Variants in VPS13C observed in about 807,000 individuals in gnomAD.
VPS13C encodes the protein vacuolar protein sorting 13 homolog C.
VPS13C carries 358 observed loss-of-function variants against 456.8 expected under a neutral mutation model. The ratio of observed to expected loss-of-function variants is 0.78; its 90% CI spans 0.72 to 0.86. The LOEUF is 0.86. Among genes scored for constraint, VPS13C ranks in the 40% least tolerant of loss-of-function variants. The probability of loss-of-function intolerance (pLI) is 0.00; values close to 1 mark genes in which losing one functional copy is unlikely to be tolerated. For synonymous variants in VPS13C, 1,578 were observed against 1,486.7 expected (o/e 1.06, Z -1.41); for missense variants, 4,818 against 4,385.4 (o/e 1.10, Z -2.79).
chr15:61,953,021 G>C (rs1447445515), intron 38 of VPS13C, among the ~76,000 whole-genome samples: 1 of 151,898 alleles, frequency 6.6e-6, no homozygotes, highest in Non-Finnish European at 1.5e-5. Flanking sequence ...ATTGCAACCA[G>C]CCTACTTAAA....
chr15:61,870,447 C>T (rs1894936711), intron 79 of VPS13C, among the ~76,000 whole-genome samples: 3 of 152,138 alleles, frequency 2.0e-5, no homozygotes, highest in African/African-American at 7.2e-5. Flanking sequence ...CATTTTGTAA[C>T]AAGTACCAGT....
chr15:61,936,472 C>T (rs2044229423), intron 48 of VPS13C, 125 bp downstream of exon 48: 3 of 934,346 alleles, frequency 3.2e-6, no homozygotes, highest in Non-Finnish European at 4.3e-6. Flanking sequence ...CGAATTTCCA[C>T]AGTAAGTAGT....
rs946940159 is a variant in VPS13C at position 61,872,147 on chromosome 15, T to C, written c.10579-113A>G. ...GAAATAACAACAACAACAACAAAAA[T>C]TGAAGACTTAACTTGATAATGTGAA... On this transcript the variant is annotated intron_variant, in intron 78 of 84. Coordinates refer to ENST00000644861, the MANE Select transcript of VPS13C (RefSeq NM_020821.3). The C allele has an allele frequency of 5.6e-5, 45 of 800,838 alleles. No individual in the cohort carries two copies. In the Admixed American group the frequency reaches 1.2e-3, roughly 22 times the overall value. The allele number at this position is 800,838 out of a possible 1,614,324, so 49.6% of individuals were successfully genotyped here.
chr15:62,034,026 G>A (rs951690741), intron 4 of VPS13C, among the ~76,000 whole-genome samples: 1 of 150,726 alleles, frequency 6.6e-6, no homozygotes, highest in African/African-American at 2.4e-5. Flanking sequence ...GCAATCTAAG[G>A]AAATAACACA....
At chr15:61,945,473 C>A (rs1020616970) in intron 45 of VPS13C, among the ~76,000 whole-genome samples, 1 of 152,148 alleles carries the variant, frequency 6.6e-6, no homozygotes, top group Non-Finnish European at 1.5e-5. Context: ...ATAAAACATA[C>A]ATTTAAAATG....
chr15:61,913,918 C>T (rs1022908982), intron 61 of VPS13C, among the ~76,000 whole-genome samples: 10 of 151,838 alleles, frequency 6.6e-5, no homozygotes, highest in African/African-American at 1.5e-4. Flanking sequence ...GAAATACATA[C>T]GAAAAATTAT....
intron 58 of VPS13C, 62 bp downstream of exon 58, chr15:61,919,227 G>A: frequency 1.4e-6 from 2 of 1,481,106 alleles, no homozygotes; most frequent in Middle Eastern, 1.8e-4. Context: ...CCTATATTCA[G>A]CTAAATGATT....
chr15:61,925,510 C>G lies in VPS13C; in HGVS notation c.6555G>C (p.Thr2185=). Residue 2185 remains threonine (T), a synonymous_variant, in exon 53 of 85, where the codon ACG becomes ACC. Transcript: ENST00000644861. ...QPCSLFMEKC[T]WASGKQNINI... is the part of the protein sequence containing the mutation. ...TTATATTTTGCTTTCCTGAAGCCCA[C>G]GTACATTTTTCCATAAATAAAGAAC... 6.2e-7 allele frequency: 1 copy of G among 1,603,848 alleles called. No homozygotes were observed. The highest frequency in any genetic ancestry group is 8.5e-7 in the Non-Finnish European group (1 of 1,175,052).
intron 35 of VPS13C, among the ~76,000 whole-genome samples, chr15:61,959,915 T>C (rs1057457397): frequency 2.6e-5 from 4 of 152,176 alleles, no homozygotes; most frequent in African/African-American, 9.7e-5. Flanking sequence ...CAAGGATTAA[T>C]AGGTATGTTG....
At chr15:61,856,578 A>G (rs1012940119) in intron 82 of VPS13C, 169 bp from the exon 83 acceptor site, 9 of 641,796 alleles carry the variant, frequency 1.4e-5, no homozygotes, top group Middle Eastern at 7.5e-4. Flanking sequence ...TAACTGTCAA[A>G]TAAAGAGCAA....
intron 40 of VPS13C, 132 bp from the exon 41 acceptor site, chr15:61,950,549 G>C: frequency 1.2e-5 from 8 of 651,446 alleles, no homozygotes; most frequent in Non-Finnish European, 9.6e-6. Context: ...GGCAAAGAAA[G>C]CCATTCAAAA....
intron 47 of VPS13C, among the ~76,000 whole-genome samples, chr15:61,938,877 A>C (rs2044320859): frequency 6.6e-6 from 1 of 152,262 alleles, no homozygotes; most frequent in Non-Finnish European, 1.5e-5. Flanking sequence ...GATTATTTCC[A>C]TGAATACTTT....
intron 9 of VPS13C, among the ~76,000 whole-genome samples, chr15:62,015,571 A>C (rs1472731109): frequency 4.7e-5 from 7 of 147,564 alleles, no homozygotes; most frequent in African/African-American, 1.8e-4. Context: ...TGTGGCACAT[A>C]TACACCATGG....
At chr15:62,056,676 C>T (rs571269315) in intron 1 of VPS13C, among the ~76,000 whole-genome samples, 2 of 152,252 alleles carry the variant, frequency 1.3e-5, no homozygotes, top group Non-Finnish European at 2.9e-5. Flanking sequence ...GAGGCCTAAC[C>T]GTCTCCCTGT....
At chr15:61,982,625 T>C (rs761309671) in intron 20 of VPS13C, 52 bp from the exon 21 acceptor site, 5 of 1,314,316 alleles carry the variant, frequency 3.8e-6, no homozygotes, top group African/African-American at 2.9e-5. Context: ...TCTTTCCATA[T>C]TGTAAACTTC....
In VPS13C at chr15:61,958,726, A is replaced by C; in HGVS notation, c.4057-10T>G. 7.3e-7 allele frequency: 1 copy of C among 1,362,678 alleles called. No individual in the cohort carries two copies. The highest frequency in any genetic ancestry group is 1.0e-6 in the Non-Finnish European group (1 of 1,003,260). 84.4% of individuals were successfully genotyped at this position (1,362,678 alleles called of 1,614,324 possible). On this transcript the variant is annotated splice_polypyrimidine_tract_variant and intron_variant, in intron 36 of 84. Coordinates refer to ENST00000644861, the MANE Select transcript of VPS13C (RefSeq NM_020821.3). ...CTTGATTTAGACTAACCTGTAAAAT[A>C]TTATGTTAAAAAAAAAACTATATTA... is the stretch of plus-strand genomic sequence containing the variant.
chr15:61,907,673 A>C (rs2043189529), intron 65 of VPS13C, among the ~76,000 whole-genome samples: 1 of 152,244 alleles, frequency 6.6e-6, no homozygotes, highest in African/African-American at 2.4e-5. Context: ...TTGCCAGATC[A>C]GGGTCCACCT....
At chr15:62,042,878 C>A (rs986833373) in intron 2 of VPS13C, among the ~76,000 whole-genome samples, 1 of 151,284 alleles carries the variant, frequency 6.6e-6, no homozygotes, top group Admixed American at 6.6e-5. Flanking sequence ...AACAAACCTG[C>A]ACATTGGGCA....
chr15:62,046,338 A>G (rs2048401417), intron 1 of VPS13C, among the ~76,000 whole-genome samples: 1 of 152,208 alleles, frequency 6.6e-6, no homozygotes, highest in Admixed American at 6.5e-5. Context: ...CAGGAGTAAT[A>G]AAGTAGTCAT....
Sources: allele counts gnomAD v4.1 joint callset (sites outside exome capture counted in the v4.1 genomes callset), GRCh38; gene constraint gnomAD v4.1.1; transcripts MANE v1.5; gene names NCBI Gene and HGNC (gene_info 2026-07-23, HGNC 2026-07-21).